The following ANK3 variants were observed in gnomAD, a reference collection of about 807,000 sequenced individuals.
The protein encoded by ANK3 is ankyrin 3, also known as ankyrin-3.
In ANK3, 57 loss-of-function variants were observed where a neutral mutation model predicts 370.9. The ratio of observed to expected loss-of-function variants is 0.15; its 90% CI spans 0.12 to 0.19. The LOEUF is 0.19. ANK3 is among the 10% of genes least tolerant of loss of function. ANK3 has a pLI of 1.00. For missense variants in ANK3, 4,439 were observed against 5,302.1 expected, an observed-to-expected ratio of 0.84 and a Z score of 5.06; for synonymous variants, 1,929 against 1,946.3, an observed-to-expected ratio of 0.99 and a Z score of 0.23.
At chr10:60,337,885 T>C (rs1388338629) in intron 1 of ANK3, among the ~76,000 whole-genome samples, 1 of 152,212 alleles carries the variant, frequency 6.6e-6, no homozygotes, top group Non-Finnish European at 1.5e-5. Flanking sequence ...ATTTTGTATA[T>C]GACTGGCCAG....
intron 23 of ANK3, among the ~76,000 whole-genome samples, chr10:60,155,853 C>T (rs1194876712): frequency 1.3e-5 from 2 of 152,170 alleles, no homozygotes; most frequent in African/African-American, 4.8e-5. Context: ...CTTTTGGACT[C>T]TTGGACCTAC....
chr10:60,572,916 C>G, intron 2 of ANK3: 3 of 1,011,858 alleles, frequency 3.0e-6, no homozygotes, highest in Admixed American at 1.1e-4. Context: ...GAGAGAGACA[C>G]ACACACACAC....
intron 10 of ANK3, among the ~76,000 whole-genome samples, chr10:60,206,371 G>T (rs1476574852): frequency 6.6e-6 from 1 of 152,182 alleles, no homozygotes; most frequent in East Asian, 1.9e-4. Flanking sequence ...TACTTGGGAG[G>T]CTGAGGCAGG....
chr10:60,312,983 G>C (rs917403529), intron 1 of ANK3, among the ~76,000 whole-genome samples: 2 of 152,048 alleles, frequency 1.3e-5, no homozygotes, highest in Non-Finnish European at 2.9e-5. Context: ...AGACATCTGA[G>C]GCCTCCCCAG....
At chr10:60,522,881 C>T (rs557205324) in intron 2 of ANK3, among the ~76,000 whole-genome samples, 4 of 152,142 alleles carry the variant, frequency 2.6e-5, no homozygotes, top group African/African-American at 7.2e-5. Context: ...GACACATACA[C>T]GGACAATCTG....
At chr10:60,483,902 C>T (rs1201476810) in intron 2 of ANK3, among the ~76,000 whole-genome samples, 1 of 152,084 alleles carries the variant, frequency 6.6e-6, no homozygotes, top group African/African-American at 2.4e-5. Flanking sequence ...AGAACAATGT[C>T]GAGGTACTGT....
At chr10:60,404,546 C>T (rs1433547341) in intron 2 of ANK3, among the ~76,000 whole-genome samples, 3 of 152,136 alleles carry the variant, frequency 2.0e-5, no homozygotes, top group African/African-American at 4.8e-5. Flanking sequence ...TAAACCTCAA[C>T]TCCTACTTTA....
At position 60,069,512 on chromosome 10, in the gene ANK3, T is replaced by C. The variant is rs1227463754; in HGVS notation, c.11369A>G (p.Asn3790Ser). The C allele has an allele frequency of 6.2e-7, 1 of 1,613,566 alleles. No individual in the cohort carries two copies. Among genetic ancestry groups the C allele is most frequent in the Non-Finnish European group, 8.5e-7 (1 of 1,179,912 alleles). Residue 3790 changes from asparagine (N) to serine (S), a missense_variant, in exon 37 of 44, where the codon AAC (asparagine) becomes AGC (serine). Transcript: ENST00000280772. ...DFQKDNFNNN[N>S]NLDSSTIQTD... ...CTGTATAGTGGAAGAATCCAAATTG[T>C]TGTTGTTATTAAAGTTATCTTTTTG...
Position 60,161,651 on chromosome 10 carries a change from T to A in ANK3, c.2614+4940A>T, listed in dbSNP as rs187748556. On this transcript the variant is annotated intron_variant, in intron 23 of 43. Coordinates refer to ENST00000280772, the MANE Select transcript of ANK3 (RefSeq NM_020987.5). ...TAAGCTAGGCACAGAAAGATAAATT[T>A]AGCACGTTCTCACTCATATGTGGGA... Among the ~76,000 whole-genome samples the A allele has an allele frequency of 2.0e-5, 3 of 152,070 alleles. No individual in the cohort carries two copies. The East Asian group carries it at 5.8e-4, about 29-fold the overall frequency.
intron 1 of ANK3, among the ~76,000 whole-genome samples, chr10:60,344,496 C>T (rs947399712): frequency 1.3e-5 from 2 of 152,070 alleles, no homozygotes; most frequent in African/African-American, 4.8e-5. Context: ...TACAAAGACG[C>T]ACAGCAAAGA....
Position 60,081,181 on chromosome 10 carries a change from G to A in ANK3, c.4351-563C>T, listed in dbSNP as rs149627742. Among the ~76,000 whole-genome samples, 103 of 152,222 alleles carry A rather than the reference G, an allele frequency of 6.8e-4. 1 individual carries two copies. Among genetic ancestry groups the A allele is most frequent in the East Asian group, 3.3e-3 (17 of 5,172 alleles). On this transcript the variant is annotated intron_variant, in intron 35 of 43. Transcript: ENST00000280772. ...CGCCTCACTGCAACCTCTGCCTCCT[G>A]GGATCAAGCAATTCTGCCTCAGCCT...
chr10:60,709,077 A>G (rs1377031255), intron 1 of ANK3, among the ~76,000 whole-genome samples: 3 of 150,342 alleles, frequency 2.0e-5, no homozygotes, highest in Non-Finnish European at 4.4e-5. Flanking sequence ...TCAAAAACAA[A>G]ACAACAACAA....
chr10:60,701,915 A>G (rs1356088232), intron 1 of ANK3, among the ~76,000 whole-genome samples: 2 of 152,202 alleles, frequency 1.3e-5, no homozygotes, highest in African/African-American at 4.8e-5. Context: ...TAGAAGGAAG[A>G]GATACAATTT....
chr10:60,482,980 A>G (rs1302870081), intron 2 of ANK3, among the ~76,000 whole-genome samples: 1 of 152,246 alleles, frequency 6.6e-6, no homozygotes, highest in African/African-American at 2.4e-5. Context: ...TTGAGCATCA[A>G]GGAAGAACAC....
intron 1 of ANK3, among the ~76,000 whole-genome samples, chr10:60,689,054 A>G (rs2079311407): frequency 6.6e-6 from 1 of 152,210 alleles, no homozygotes; most frequent in African/African-American, 2.4e-5. Context: ...TTTCTAATGT[A>G]ATGGGATAGA....
Position 60,200,173 on chromosome 10 carries a change from G to C in ANK3, c.1447C>G (p.Arg483Gly), listed in dbSNP as rs377592480. ...AARSGQAEVV[R>G]YLVQDGAQVE... ...TGAGCTCCGTCTTGTACCAGATACC[G>C]CACAACTTCAGCTTGGCCGGAGCGA... The change falls in exon 13 of 44, where the codon CGG (arginine) becomes GGG (glycine). Residue 483 changes from arginine to glycine, a missense_variant. Arg to Gly is a moderately radical substitution (Grantham distance 125). Around this residue, in one of 13 missense-constraint regions of ANK3, gnomAD observed 227 missense variants for 377.6 expected, o/e 0.60. Transcript: ENST00000280772. 18 of 1,613,894 alleles carry C rather than the reference G, an allele frequency of 1.1e-5. No individual in the cohort carries two copies. Among genetic ancestry groups the C allele is most frequent in the Non-Finnish European group, 1.5e-5 (18 of 1,180,010 alleles).
intron 1 of ANK3, chr10:60,615,267 T>G: frequency 1.4e-6 from 2 of 1,379,474 alleles, no homozygotes; most frequent in Admixed American, 2.4e-5. Flanking sequence ...CATGAAAGAA[T>G]TCCATATATT....
chr10:60,647,508 TGCCC>T (rs1210260721), intron 1 of ANK3, among the ~76,000 whole-genome samples: 1 of 151,954 alleles, frequency 6.6e-6, no homozygotes, highest in African/African-American at 2.4e-5. Flanking sequence ...ATATTTAAAA[TGCCC>T]TATAACAAAA....
At chr10:60,316,454 A>G (rs1386745766) in intron 1 of ANK3, among the ~76,000 whole-genome samples, 1 of 152,156 alleles carries the variant, frequency 6.6e-6, no homozygotes, top group East Asian at 1.9e-4. Context: ...CGTCTTCTGG[A>G]GTTACTTCTC....
Sources: allele counts gnomAD v4.1 joint callset (sites outside exome capture counted in the v4.1 genomes callset), GRCh38; gene constraint gnomAD v4.1.1; regional missense constraint gnomAD v4.1.1; transcripts MANE v1.5; gene names NCBI Gene and HGNC (gene_info 2026-07-23, HGNC 2026-07-21).